ANK2: variants seen among roughly 807,000 people sequenced by gnomAD.
ANK2 encodes ankyrin 2.
In ANK2, 83 loss-of-function variants were observed where a neutral mutation model predicts 360.5. The ratio of observed to expected loss-of-function variants is 0.23; its 90% CI spans 0.19 to 0.28. The LOEUF (loss-of-function observed/expected upper bound fraction) is 0.28. Ranked by LOEUF, ANK2 falls within the 10% of genes least tolerant of loss-of-function variation. The probability of loss-of-function intolerance (pLI) is 1.00; values close to 1 mark genes in which losing one functional copy is unlikely to be tolerated. For missense variants in ANK2, 4,201 were observed against 4,795.7 expected (o/e 0.88, Z 3.66); for synonymous variants, 1,740 against 1,759.5 (o/e 0.99, Z 0.28).
chr4:112,842,445 T>C (rs1160719547), intron 1 of ANK2, among the ~76,000 whole-genome samples: 1 of 152,172 alleles, frequency 6.6e-6, no homozygotes, highest in Non-Finnish European at 1.5e-5. Flanking sequence ...AATCCAGTGG[T>C]CCCCAACCTT....
At chr4:113,332,200 C>T (rs2092627414) in intron 28 of ANK2, 130 bp downstream of exon 28, 1 of 860,120 alleles carries the variant, frequency 1.2e-6, no homozygotes, top group Non-Finnish European at 1.9e-6. Flanking sequence ...TCTGTATAAC[C>T]TATCTTTAGT....
intron 2 of ANK2, among the ~76,000 whole-genome samples, chr4:113,192,375 A>C (rs2153367404): frequency 6.6e-6 from 1 of 152,264 alleles, no homozygotes; most frequent in Non-Finnish European, 1.5e-5. Context: ...GTGTGTATAA[A>C]AAGTTTCACC....
intron 1 of ANK2, among the ~76,000 whole-genome samples, chr4:112,820,921 A>AT (rs2056817395): frequency 6.6e-6 from 1 of 151,270 alleles, no homozygotes; most frequent in African/African-American, 2.4e-5. Flanking sequence ...TTATTTATTT[A>AT]TTTTTTTGAG....
intron 1 of ANK2, among the ~76,000 whole-genome samples, chr4:113,159,334 G>C (rs1432928557): frequency 6.6e-6 from 1 of 151,850 alleles, no homozygotes; most frequent in Non-Finnish European, 1.5e-5. Context: ...TATATACATA[G>C]TAATTATAAA....
chr4:113,163,695 C>T (rs980271704), intron 1 of ANK2, among the ~76,000 whole-genome samples: 3 of 129,046 alleles, frequency 2.3e-5, no homozygotes, highest in Non-Finnish European at 4.7e-5. Flanking sequence ...ACCTGGGAGG[C>T]GGAGGTTGCA....
intron 1 of ANK2, among the ~76,000 whole-genome samples, chr4:113,154,931 T>G (rs1313045906): frequency 1.3e-5 from 2 of 152,238 alleles, no homozygotes; most frequent in African/African-American, 4.8e-5. Context: ...CTGGCCCATC[T>G]TGGTCTTAAC....
chr4:113,372,350 C>A (rs866748804), intron 43 of ANK2, among the ~76,000 whole-genome samples: 4 of 152,212 alleles, frequency 2.6e-5, no homozygotes, highest in Middle Eastern at 3.4e-3. Flanking sequence ...CAACAAAAAA[C>A]CAAAACACTC....
chr4:112,768,533 C>T, the ANK2 span, among the ~76,000 whole-genome samples: 120 of 152,108 alleles, frequency 7.9e-4, 1 homozygote, highest in African/African-American at 2.7e-3. Context: ...GGACTACAGG[C>T]ATGAGCCACC....
At chr4:113,082,330 G>A (rs1022255708) in intron 1 of ANK2, among the ~76,000 whole-genome samples, 1 of 151,826 alleles carries the variant, frequency 6.6e-6, no homozygotes, top group African/African-American at 2.4e-5. Flanking sequence ...TGGAGAGTGG[G>A]GTCTCACTAT....
chr4:113,102,346 G>A (rs192371214), intron 1 of ANK2, among the ~76,000 whole-genome samples: 37 of 152,154 alleles, frequency 2.4e-4, no homozygotes, highest in Non-Finnish European at 8.8e-5. Flanking sequence ...AAACATTTCG[G>A]GGGAAAAAAT....
chr4:112,861,868 A>AGAGAG (rs201880535), intron 1 of ANK2, among the ~76,000 whole-genome samples: 1 of 151,560 alleles, frequency 6.6e-6, no homozygotes, highest in South Asian at 2.1e-4. Flanking sequence ...AGAGAGAGAG[A>AGAGAG]AACTCTCACA....
rs372960739 is a variant in ANK2, at chr4:113,286,353, C to T, written c.2080-1252C>T. Among the ~76,000 whole-genome samples, 17 of 152,234 alleles carry T rather than the reference C, an allele frequency of 1.1e-4. No homozygotes were observed. In the East Asian group the frequency reaches 1.9e-3, roughly 17 times the overall value. ...ATCTCACCCTGTGTTTTACGAAACT[C>T]AAAGTTGAGCTCACCCAGAGCTCTC... On this transcript the variant is annotated intron_variant, in intron 18 of 45. Coordinates refer to ENST00000357077, the MANE Select transcript of ANK2 (RefSeq NM_001148.6).
At chr4:113,239,289 A>G (rs2099406883) in intron 7 of ANK2, among the ~76,000 whole-genome samples, 1 of 152,160 alleles carries the variant, frequency 6.6e-6, no homozygotes, top group African/African-American at 2.4e-5. Flanking sequence ...CTACAGTAAG[A>G]GCACAAATTT....
chr4:113,202,340 TG>T (rs201084470), intron 4 of ANK2, among the ~76,000 whole-genome samples: 3,363 of 152,214 alleles, frequency 0.022, 55 homozygotes, highest in Middle Eastern at 0.037. Context: ...TGTGACAATA[TG>T]GGGTGTCAAG....
At chr4:112,981,459 G>A (rs2043090122) in intron 2 of ANK2, among the ~76,000 whole-genome samples, 1 of 152,320 alleles carries the variant, frequency 6.6e-6, no homozygotes, top group Middle Eastern at 3.4e-3. Flanking sequence ...TCTGGATTAG[G>A]GTGATAACCT....
intron 2 of ANK2, among the ~76,000 whole-genome samples, chr4:113,005,278 T>C (rs778298844): frequency 1.3e-5 from 2 of 152,106 alleles, no homozygotes; most frequent in East Asian, 3.9e-4. Flanking sequence ...ACCAAAGGGG[T>C]ACCCACACTG....
chr4:112,774,443 G>A, the ANK2 span, among the ~76,000 whole-genome samples: 1 of 152,052 alleles, frequency 6.6e-6, no homozygotes, highest in Non-Finnish European at 1.5e-5. Flanking sequence ...GGAGAATGGC[G>A]TGAACCCGCG....
intron 8 of ANK2, among the ~76,000 whole-genome samples, chr4:113,240,831 G>A (rs2039403933): frequency 6.6e-6 from 1 of 152,120 alleles, no homozygotes; most frequent in Non-Finnish European, 1.5e-5. Flanking sequence ...CATTCATTCT[G>A]ACCAGTATGA....
chr4:113,282,303 A>G (rs29374), intron 17 of ANK2, among the ~76,000 whole-genome samples: 98,751 of 151,976 alleles, frequency 0.65, 32,174 homozygotes, highest in East Asian at 0.72. Context: ...GAGAAAATTA[A>G]CCTGGAAAAC....
Sources: allele counts gnomAD v4.1 joint callset (sites outside exome capture counted in the v4.1 genomes callset), GRCh38; gene constraint gnomAD v4.1.1; transcripts MANE v1.5; gene names NCBI Gene and HGNC (gene_info 2026-07-23, HGNC 2026-07-21).